NDEL1: variants seen among roughly 807,000 people sequenced by gnomAD.
The protein encoded by NDEL1 is nuclear distribution protein nudE-like 1.
A neutral mutation model predicts 45.7 loss-of-function variants in NDEL1; 9 were observed. The ratio of observed to expected loss-of-function variants is 0.20; its 90% confidence interval spans 0.12 to 0.34. The LOEUF is 0.34. Ranked by LOEUF, NDEL1 falls within the 10% of genes least tolerant of loss-of-function variation. NDEL1 has a pLI of 1.00. For synonymous variants in NDEL1, 133 were observed against 158.6 expected, an observed-to-expected ratio of 0.84 and a Z score of 1.21; for missense variants, 306 against 406.2, an observed-to-expected ratio of 0.75 and a Z score of 2.12.
intron 1 of NDEL1, among the ~76,000 whole-genome samples, chr17:8,430,506 C>T (rs1046911170): frequency 6.6e-6 from 1 of 152,208 alleles, no homozygotes; most frequent in South Asian, 2.1e-4. Flanking sequence ...ACCCAGATCT[C>T]TCTTAGGGTA....
In NDEL1 at chr17:8,444,221, G is replaced by A. The variant is rs948768731; in HGVS notation, c.-12-39G>A. ...TTTATGCTTGTGCTTAGATTTCTCT[G>A]TTCTCTAATTTGTTAAGTTTGTCTT... On this transcript the variant is annotated intron_variant, in intron 1 of 8. Transcript: ENST00000334527. 3.1e-6 allele frequency: 4 copies of A among 1,295,780 alleles called. No individual in the cohort carries two copies. The South Asian group carries it at 4.9e-5, about 16-fold the overall frequency. 80.3% of individuals were successfully genotyped at this position (1,295,780 alleles called of 1,614,324 possible).
At chr17:8,439,617 G>A (rs1186598037) in intron 1 of NDEL1, among the ~76,000 whole-genome samples, 2 of 151,928 alleles carry the variant, frequency 1.3e-5, no homozygotes, top group East Asian at 1.9e-4. Context: ...AAGAAGTTTT[G>A]GAAATGTTTT....
At chr17:8,442,480 A>C (rs1264722184) in intron 1 of NDEL1, among the ~76,000 whole-genome samples, 3 of 152,156 alleles carry the variant, frequency 2.0e-5, no homozygotes, top group African/African-American at 7.2e-5. Flanking sequence ...GCAGTGGCAC[A>C]ATCATGGCTC....
Position 8,450,953 on chromosome 17 carries a change from G to A in NDEL1, c.700G>A (p.Ala234Thr), listed in dbSNP as rs1281091546. Residue 234 changes from alanine to threonine, a missense_variant and splice_region_variant, in exon 6 of 9, where the codon GCT becomes ACT. Around this residue, in one of 3 missense-constraint regions of NDEL1, gnomAD observed 175 missense variants for 205.2 expected, o/e 0.85. Coordinates refer to ENST00000334527, the MANE Select transcript of NDEL1 (RefSeq NM_030808.5). ...GTENTFPSPK[A>T]IPNGFGTSPL... ...GGAGAACACTTTTCCTTCACCGAAA[G>A]GTTTGTAATGTCTTTTCTTTTTGAG... The A allele has an allele frequency of 6.2e-7, 1 of 1,603,218 alleles. No homozygotes were observed. Among genetic ancestry groups the A allele is most frequent in the South Asian group, 1.1e-5 (1 of 89,298 alleles).
At chr17:8,422,313 T>G (rs1173886285) in intron 1 of NDEL1, among the ~76,000 whole-genome samples, 3 of 152,238 alleles carry the variant, frequency 2.0e-5, no homozygotes, top group Non-Finnish European at 2.9e-5. Context: ...CACCCCCACC[T>G]TTTTTTGTTG....
At chr17:8,415,604 T>A (rs1209505418) in intron 1 of NDEL1, among the ~76,000 whole-genome samples, 1 of 151,634 alleles carries the variant, frequency 6.6e-6, no homozygotes, top group African/African-American at 2.4e-5. Context: ...CTTGGCTGAT[T>A]TTTGTATTTT....
chr17:8,452,740 C>CTTTTTTTTTTTT, intron 6 of NDEL1, among the ~76,000 whole-genome samples: 2 of 95,622 alleles, frequency 2.1e-5, no homozygotes, highest in African/African-American at 4.1e-5. Flanking sequence ...TTTTTCTTCT[C>CTTTTTTTTTTTT]TTTTTTTTTT....
At chr17:8,444,575 A>T in intron 2 of NDEL1, 1 of 406,246 alleles carries the variant, frequency 2.5e-6, no homozygotes, top group Non-Finnish European at 4.4e-6. Flanking sequence ...TAGTAGGAAA[A>T]CTGTCATTTA....
At chr17:8,469,406 C>T (rs1051415482), downstream of NDEL1, among the ~76,000 whole-genome samples, 1 of 152,158 alleles carries the variant, frequency 6.6e-6, no homozygotes, top group African/African-American at 2.4e-5. Context: ...AATGATTTCT[C>T]ACTTCCTTTG....
At chr17:8,447,221 C>T (rs2151719282) in intron 4 of NDEL1, among the ~76,000 whole-genome samples, 1 of 152,352 alleles carries the variant, frequency 6.6e-6, no homozygotes, top group Admixed American at 6.5e-5. Flanking sequence ...CGGCTCACTG[C>T]AACCTCTGCC....
chr17:8,459,901 A>G (rs534200844), intron 7 of NDEL1, 108 bp from the exon 8 acceptor site: 46 of 1,158,014 alleles, frequency 4.0e-5, no homozygotes, highest in South Asian at 3.6e-4. Context: ...ACCATTATCA[A>G]CTGAGATGAG....
At chr17:8,422,287 C>T (rs112054800) in intron 1 of NDEL1, among the ~76,000 whole-genome samples, 1,523 of 152,276 alleles carry the variant, frequency 0.01, 13 homozygotes, top group Non-Finnish European at 0.014. Flanking sequence ...GAAAGGGCTC[C>T]CCTGCCTCTC....
rs187519712 is a variant in NDEL1, at chr17:8,426,061, A to T, written c.-13+12792A>T. ...CACCTTAGCCTCCTAAAGTGTTGGG[A>T]TTACTGGAGTAAGCCCTTGAGCCCA... is the stretch of plus-strand genomic sequence containing the variant. On this transcript the variant is annotated intron_variant, in intron 1 of 4. Transcript: ENST00000582812. Among the ~76,000 whole-genome samples the T allele has an allele frequency of 1.8e-4, 27 of 152,292 alleles. No homozygotes were observed. The East Asian group carries it at 4.6e-3, about 26-fold the overall frequency.
At chr17:8,460,346 C>T (rs1387342295) in intron 8 of NDEL1, among the ~76,000 whole-genome samples, 186 bp downstream of exon 8, 1 of 152,150 alleles carries the variant, frequency 6.6e-6, no homozygotes, top group Non-Finnish European at 1.5e-5. Context: ...TCTGTTGCCC[C>T]AGGAACCCTG....
At chr17:8,434,384 T>G (rs1488135742), upstream of NDEL1, among the ~76,000 whole-genome samples, 3 of 152,110 alleles carry the variant, frequency 2.0e-5, no homozygotes, top group Non-Finnish European at 2.9e-5. Context: ...GCCTGGCTAA[T>G]TTTTGTACTT....
downstream of NDEL1, among the ~76,000 whole-genome samples, chr17:8,472,495 CAA>C (rs1911867297): frequency 6.6e-6 from 1 of 151,950 alleles, no homozygotes; most frequent in South Asian, 2.1e-4. Flanking sequence ...CCCGTTTCTA[CAA>C]AAAAAGAAAA....
exon 1 of NDEL1, chr17:8,413,145 C>G (rs189485792): frequency 3.0e-5 from 4 of 132,780 alleles, no homozygotes; most frequent in Admixed American, 2.9e-4. Context: ...CCCATCCTTG[C>G]GTATCTTTGG....
At chr17:8,440,752 C>T (rs1009688742) in intron 1 of NDEL1, among the ~76,000 whole-genome samples, 3 of 152,154 alleles carry the variant, frequency 2.0e-5, no homozygotes, top group Non-Finnish European at 4.4e-5. Context: ...AATGGATACT[C>T]GCAATACATC....
At chr17:8,449,502 A>T (rs1211951730) in intron 5 of NDEL1, among the ~76,000 whole-genome samples, 4 of 152,172 alleles carry the variant, frequency 2.6e-5, no homozygotes, top group African/African-American at 9.7e-5. Flanking sequence ...AATTTTTAGA[A>T]CTTTTTCATC....
Sources: gnomAD v4.1 joint callset for allele counts (sites outside exome capture counted in the v4.1 genomes callset) on GRCh38, gnomAD v4.1.1 for gene constraint, gnomAD v4.1.1 regional missense constraint, MANE v1.5 for transcripts, NCBI Gene and HGNC (gene_info 2026-07-23, HGNC 2026-07-21) for gene names.